Variants in GRK5 observed in about 807,000 individuals in gnomAD.
The protein encoded by GRK5 is G protein-coupled receptor kinase 5, also known as g protein-coupled receptor kinase GRK5.
Under a neutral mutation model 78.4 loss-of-function variants are expected in GRK5, and 40 were observed. The observed-to-expected ratio is 0.51, with a 90% CI of 0.40 to 0.66. The LOEUF is 0.66. Among genes scored for constraint, GRK5 ranks in the 30% least tolerant of loss-of-function variants. The pLI, the probability that GRK5 is intolerant of heterozygous loss-of-function variation, is 0.00. For synonymous variants in GRK5, 289 were observed against 296.8 expected (o/e 0.97, Z 0.27); for missense variants, 598 against 759.9 (o/e 0.79, Z 2.50).
chr10:119,218,457 C>T (rs1057305255), intron 1 of GRK5, among the ~76,000 whole-genome samples: 4 of 152,160 alleles, frequency 2.6e-5, no homozygotes, highest in African/African-American at 9.7e-5. Context: ...TGGGTCTTAG[C>T]ACTGCTTCTG....
At position 119,324,484 on chromosome 10, in the gene GRK5, C is replaced by T. The variant is rs61874541; in HGVS notation, c.53-2032C>T. Among the ~76,000 whole-genome samples the T allele has an allele frequency of 4.1e-3, 625 of 152,252 alleles. 4 individuals are homozygous for T. Among genetic ancestry groups the T allele is most frequent in the Non-Finnish European group, 5.9e-3 (401 of 68,016 alleles). On this transcript the variant is annotated intron_variant, in intron 1 of 15. Coordinates refer to ENST00000392870, the MANE Select transcript of GRK5 (RefSeq NM_005308.3). The stretch of plus-strand genomic sequence containing the variant: ...TCTACTGAAAATATGAAAAATTAGC[C>T]GGGTGCGGTGGTGCACATCTGTATT...
Position 119,431,561 on chromosome 10 carries a change from C to A in GRK5, c.738+34C>A, listed in dbSNP as rs12721550. ...GCATCTGGGCCCAGTGACCGGCTCGCCCTTCTGTGGACTGGGGCTTCCCTC... is the reference window on the plus strand; with the variant it reads ...GCATCTGGGCCCAGTGACCGGCTCGACCTTCTGTGGACTGGGGCTTCCCTC... On this transcript the variant is annotated intron_variant, in intron 8 of 15. Transcript: ENST00000392870. This position sits in a 1 kb window ranked among gnomAD's most constrained non-coding sequence, Gnocchi z 4.8. 0.022 allele frequency: 34,629 copies of A among 1,602,348 alleles called. 548 individuals are homozygous for A. Among genetic ancestry groups the A allele is most frequent in the African/African-American group, 0.071 (5,315 of 74,662 alleles).
At chr10:119,448,377 G>A in intron 13 of GRK5, 117 bp downstream of exon 13, 1 of 1,208,940 alleles carries the variant, frequency 8.3e-7, no homozygotes, top group Non-Finnish European at 1.1e-6. Context: ...TCTTTGTGGG[G>A]ACCAGGGTCC....
intron 1 of GRK5, among the ~76,000 whole-genome samples, chr10:119,261,358 G>A (rs1300562471): frequency 8.2e-5 from 12 of 147,052 alleles, no homozygotes; most frequent in East Asian, 6.2e-4. Flanking sequence ...GGGAAGAGGC[G>A]CTCCTCACTT....
chr10:119,443,490 C>G (rs563072958), intron 11 of GRK5, 54 bp from the exon 12 acceptor site: 1 of 1,503,976 alleles, frequency 6.6e-7, no homozygotes, highest in Non-Finnish European at 9.1e-7. Flanking sequence ...CTGTGAGCAG[C>G]GCCACCAGCT....
At position 119,455,873 on chromosome 10, in the gene GRK5, T is replaced by C. The variant is rs1853395277; in HGVS notation, c.*806T>C. 1 of 154,916 alleles carries C rather than the reference T, an allele frequency of 6.5e-6. No homozygotes were observed. Among genetic ancestry groups the C allele is most frequent in the South Asian group, 2.0e-4 (1 of 4,962 alleles). 9.6% of individuals were successfully genotyped at this position (154,916 alleles called of 1,614,324 possible). A position where few individuals can be genotyped will look rare whatever the true frequency, so the allele number is the denominator to read the frequency against. Reference sequence around the variant, plus strand: ...TCTGCTCTTCCTTCAGGAAGGCGGCTGGCACGCGGATCTAGGTGTTTGCAG... The same window carrying C: ...TCTGCTCTTCCTTCAGGAAGGCGGCCGGCACGCGGATCTAGGTGTTTGCAG... On this transcript the variant is annotated 3_prime_UTR_variant, in exon 16 of 16. Transcript: ENST00000392870.
At chr10:119,220,298 A>G (rs1848638014) in intron 1 of GRK5, among the ~76,000 whole-genome samples, 1 of 152,212 alleles carries the variant, frequency 6.6e-6, no homozygotes, top group Non-Finnish European at 1.5e-5. Context: ...TATTTGCCCC[A>G]GATGTCTTCC....
chr10:119,397,276 G>C (rs1041487655), intron 4 of GRK5, among the ~76,000 whole-genome samples: 4 of 152,184 alleles, frequency 2.6e-5, no homozygotes, highest in African/African-American at 7.2e-5. Context: ...CCCCACCTCG[G>C]GGCCACCCAC....
Position 119,455,360 on chromosome 10 carries a change from C to T in GRK5, c.*293C>T. The T allele has an allele frequency of 1.7e-6, 1 of 588,570 alleles. No homozygotes were observed. The highest frequency in any genetic ancestry group is 3.1e-6 in the Non-Finnish European group (1 of 323,644). 36.5% of individuals were successfully genotyped at this position (588,570 alleles called of 1,614,324 possible). A position where few individuals can be genotyped will look rare whatever the true frequency, so the allele number is the denominator to read the frequency against. On this transcript the variant is annotated 3_prime_UTR_variant, in exon 16 of 16. Transcript: ENST00000392870. ...TGCACGTATTTTAATAGCGTCATAA[C>T]TAGAACTGAATTTTGTCTTTATGAT... is the stretch of plus-strand genomic sequence containing the variant.
rs1440294891 is a variant in GRK5, at chr10:119,336,602, G to A, written c.148+9991G>A. Among the ~76,000 whole-genome samples the A allele has an allele frequency of 6.6e-6, 1 of 152,186 alleles. No individual in the cohort carries two copies. Among genetic ancestry groups the A allele is most frequent in the Non-Finnish European group, 1.5e-5 (1 of 68,030 alleles). Reference sequence around the variant, plus strand: ...AGCTTTGTGCCCCCTGATGAGTCTGGGGCCCCTGAGAGGATGATCAGAATC... The same window carrying A: ...AGCTTTGTGCCCCCTGATGAGTCTGAGGCCCCTGAGAGGATGATCAGAATC... On this transcript the variant is annotated intron_variant, in intron 2 of 15. Transcript: ENST00000392870. The surrounding 1 kb of genome is among the most constrained non-coding windows in gnomAD (Gnocchi z 4.5).
chr10:119,353,290 T>C (rs1358339274), intron 2 of GRK5, among the ~76,000 whole-genome samples: 1 of 152,182 alleles, frequency 6.6e-6, no homozygotes, highest in Non-Finnish European at 1.5e-5. Context: ...TCCACCTGGT[T>C]GGAGGCAGAG....
intron 2 of GRK5, among the ~76,000 whole-genome samples, chr10:119,349,862 G>A (rs1018129711): frequency 6.6e-6 from 1 of 152,208 alleles, no homozygotes; most frequent in Non-Finnish European, 1.5e-5. Flanking sequence ...CTCATACGTG[G>A]GCACCTGCCA....
chr10:119,222,044 G>A (rs1328868943), intron 1 of GRK5, among the ~76,000 whole-genome samples: 1 of 152,148 alleles, frequency 6.6e-6, no homozygotes, highest in Non-Finnish European at 1.5e-5. Flanking sequence ...AGGTGTCTTG[G>A]ATCTCTCACT....
intron 1 of GRK5, among the ~76,000 whole-genome samples, chr10:119,313,958 G>A (rs950586943): frequency 2.6e-5 from 4 of 152,200 alleles, no homozygotes; most frequent in Admixed American, 6.5e-5. Flanking sequence ...CCCACAGACC[G>A]CAGGCCCCAG....
intron 1 of GRK5, among the ~76,000 whole-genome samples, chr10:119,287,600 T>C (rs1849876612): frequency 6.6e-6 from 1 of 152,096 alleles, no homozygotes; most frequent in Admixed American, 6.5e-5. Flanking sequence ...TTTTCTCTTC[T>C]TTTTTTTCTT....
chr10:119,423,088 G>T, intron 4 of GRK5, 78 bp from the exon 5 acceptor site: 1 of 939,556 alleles, frequency 1.1e-6, no homozygotes. Context: ...CTGGTTCTTG[G>T]CCCAACACCT....
chr10:119,210,420 A>G (rs577415525), intron 1 of GRK5, among the ~76,000 whole-genome samples: 1 of 152,356 alleles, frequency 6.6e-6, no homozygotes, highest in South Asian at 2.1e-4. Context: ...ACTTGAGCCC[A>G]TATATCCTAA....
intron 2 of GRK5, among the ~76,000 whole-genome samples, chr10:119,376,813 C>T (rs1432684585): frequency 1.3e-5 from 2 of 152,088 alleles, no homozygotes; most frequent in African/African-American, 2.4e-5. Flanking sequence ...GTGATCCACC[C>T]GCCTCGGCCT....
chr10:119,293,701 G>A (rs927902729), intron 1 of GRK5, among the ~76,000 whole-genome samples: 6 of 151,728 alleles, frequency 4.0e-5, no homozygotes, highest in Non-Finnish European at 7.4e-5. Context: ...AGGAGGGAGT[G>A]GATGATGGCC....
Sources: allele counts gnomAD v4.1 joint callset (sites outside exome capture counted in the v4.1 genomes callset), GRCh38; gene constraint gnomAD v4.1.1; non-coding constraint Gnocchi (gnomAD v3.1); transcripts MANE v1.5; gene names NCBI Gene and HGNC (gene_info 2026-07-23, HGNC 2026-07-21).